STAU2: variants seen among roughly 807,000 people sequenced by gnomAD.
STAU2 encodes staufen double-stranded RNA binding protein 2.
A neutral mutation model predicts 65.9 loss-of-function variants in STAU2; 20 were observed. The ratio of observed to expected loss-of-function variants is 0.30; its 90% confidence interval spans 0.21 to 0.44. The LOEUF (loss-of-function observed/expected upper bound fraction) is 0.44, where lower values mean the gene tolerates loss of function less well. Ranked by LOEUF, STAU2 falls within the 20% of genes least tolerant of loss-of-function variation. The pLI is 1.00. For missense variants in STAU2, 558 were observed against 683.9 expected (o/e 0.82, Z 2.05); for synonymous variants, 232 against 233.9 (o/e 0.99, Z 0.07).
chr8:73,613,722 A>G, intron 9 of STAU2, 22 bp downstream of exon 9: 1 of 1,553,992 alleles, frequency 6.4e-7, no homozygotes, highest in Non-Finnish European at 8.8e-7. Flanking sequence ...AAACTGACTG[A>G]TGTTCACAAA....
chr8:73,740,180 T>A (rs1040958854), intron 1 of STAU2, among the ~76,000 whole-genome samples: 2 of 152,250 alleles, frequency 1.3e-5, no homozygotes, highest in Admixed American at 1.3e-4. Flanking sequence ...ACAGCTTGAC[T>A]ACCACCTCTT....
chr8:73,662,524 T>C (rs1816904817), intron 6 of STAU2, among the ~76,000 whole-genome samples: 1 of 152,238 alleles, frequency 6.6e-6, no homozygotes, highest in Admixed American at 6.5e-5. Flanking sequence ...AATTTTACTT[T>C]AACTTTTACA....
At chr8:73,693,135 T>C (rs1351583010) in intron 4 of STAU2, among the ~76,000 whole-genome samples, 2 of 151,436 alleles carry the variant, frequency 1.3e-5, no homozygotes, top group Non-Finnish European at 2.9e-5. Context: ...CACTCCAGCC[T>C]AGGCAACACA....
rs60833468 is a variant in STAU2, at chr8:73,637,477, TAAAAAAAAAAAAAAAA to T, written c.411-20042_411-20027del. ...TAAAGTCTTTATAAAGTGCTGAAAG[TAAAAAAAAAAAAAAAA>T]AAAAAAAAAAAAGAAAAGAAAAAAA... On this transcript the variant is annotated intron_variant, in intron 6 of 14. Transcript: ENST00000524300. Among the ~76,000 whole-genome samples, 10 of 57,086 alleles carry T rather than the reference TAAAAAAAAAAAAAAAA, an allele frequency of 1.8e-4. 1 individual carries two copies. In the Admixed American group the frequency reaches 2.9e-3, roughly 17 times the overall value. The allele number at this position is 57,086 out of a possible 152,430, so 37.5% of individuals were successfully genotyped here. A position where few individuals can be genotyped will look rare whatever the true frequency, so the allele number is the denominator to read the frequency against.
intron 6 of STAU2, among the ~76,000 whole-genome samples, chr8:73,651,014 T>C (rs1196047998): frequency 2.0e-5 from 3 of 152,186 alleles, no homozygotes; most frequent in Non-Finnish European, 4.4e-5. Context: ...TGCCCGGCCA[T>C]GCGTCCCTCC....
intron 13 of STAU2, among the ~76,000 whole-genome samples, chr8:73,447,457 C>T (rs1818533438): frequency 6.6e-6 from 1 of 152,168 alleles, no homozygotes; most frequent in East Asian, 1.9e-4. Context: ...TAATCAGTCC[C>T]ATAATAATAA....
chr8:73,737,773 A>G (rs1806549772), intron 3 of STAU2, among the ~76,000 whole-genome samples: 1 of 152,064 alleles, frequency 6.6e-6, no homozygotes, highest in Non-Finnish European at 1.5e-5. Context: ...TTAAATGTAT[A>G]AAGTTCTTGG....
chr8:73,472,822 GT>G (rs1820106487), intron 13 of STAU2, among the ~76,000 whole-genome samples: 1 of 152,112 alleles, frequency 6.6e-6, no homozygotes. Flanking sequence ...CATTTTATAT[GT>G]TGTGCCAGTA....
chr8:73,562,075 T>C lies in STAU2; in HGVS notation c.1223-9756A>G, dbSNP rs114276358. ...TAAGAAGTTCTGGGCATTTAGATTC[T>C]TGAAATATTCTAACACCATGATAGA... On this transcript the variant is annotated intron_variant, in intron 12 of 14. Coordinates refer to ENST00000524300, the MANE Select transcript of STAU2 (RefSeq NM_001164380.2). Among the ~76,000 whole-genome samples, 837 of 152,370 alleles carry C rather than the reference T, an allele frequency of 5.5e-3. 5 individuals carry two copies. Among genetic ancestry groups the C allele is most frequent in the African/African-American group, 0.019 (786 of 41,590 alleles).
intron 13 of STAU2, among the ~76,000 whole-genome samples, chr8:73,484,469 G>A (rs13274055): frequency 0.11 from 16,910 of 152,144 alleles, 1,306 homozygotes; most frequent in African/African-American, 0.22. Flanking sequence ...GAATAGAAAT[G>A]AAGCCCTGGA....
At chr8:73,640,608 T>C (rs1472913380) in intron 6 of STAU2, among the ~76,000 whole-genome samples, 3 of 152,202 alleles carry the variant, frequency 2.0e-5, no homozygotes, top group African/African-American at 7.2e-5. Flanking sequence ...TTATGGACAC[T>C]GAAATCTGAA....
At chr8:73,718,813 CTT>C (rs1009518694) in intron 3 of STAU2, among the ~76,000 whole-genome samples, 7 of 152,148 alleles carry the variant, frequency 4.6e-5, no homozygotes, top group Non-Finnish European at 7.4e-5. Context: ...AAATGCTACT[CTT>C]TTATTTTCAT....
At chr8:73,540,274 G>C (rs538536325) in intron 13 of STAU2, among the ~76,000 whole-genome samples, 11 of 152,268 alleles carry the variant, frequency 7.2e-5, no homozygotes, top group Non-Finnish European at 1.6e-4. Flanking sequence ...ATACACAAAG[G>C]AGAAGGCCAT....
At chr8:73,595,519 T>A (rs1375690355) in intron 10 of STAU2, among the ~76,000 whole-genome samples, 1 of 152,122 alleles carries the variant, frequency 6.6e-6, no homozygotes, top group Admixed American at 6.6e-5. Flanking sequence ...TGGTAGAATT[T>A]TATAGAATTT....
chr8:73,560,878 C>T (rs898978936), intron 12 of STAU2, among the ~76,000 whole-genome samples: 13 of 152,076 alleles, frequency 8.5e-5, no homozygotes, highest in African/African-American at 2.9e-4. Context: ...AATAAAAGTG[C>T]GAGTGAGTTT....
intron 6 of STAU2, among the ~76,000 whole-genome samples, chr8:73,666,593 A>C (rs1463430196): frequency 6.6e-6 from 1 of 152,190 alleles, no homozygotes; most frequent in Non-Finnish European, 1.5e-5. Flanking sequence ...ACATATATTA[A>C]AAGAAAATAA....
At chr8:73,650,624 T>C (rs190324242) in intron 6 of STAU2, among the ~76,000 whole-genome samples, 36 of 152,336 alleles carry the variant, frequency 2.4e-4, no homozygotes, top group African/African-American at 8.7e-4. Context: ...TTGCTACTTA[T>C]ACATCAGACG....
upstream of STAU2, chr8:73,746,897 G>T (rs1176240570): frequency 3.8e-6 from 3 of 784,006 alleles, no homozygotes; most frequent in Non-Finnish European, 4.7e-6. Context: ...CCCCGCCTCC[G>T]CCCGCCTCCG....
At chr8:73,651,580 TG>T in intron 6 of STAU2, 1 of 802,250 alleles carries the variant, frequency 1.2e-6, no homozygotes, top group Non-Finnish European at 2.1e-6. Flanking sequence ...CACCCCTGCC[TG>T]GGCCCCAGAC....
Sources: allele counts gnomAD v4.1 joint callset (sites outside exome capture counted in the v4.1 genomes callset), GRCh38; gene constraint gnomAD v4.1.1; transcripts MANE v1.5; gene names NCBI Gene and HGNC (gene_info 2026-07-23, HGNC 2026-07-21).